Variants in KLHL36 observed in about 807,000 individuals in gnomAD.
The protein encoded by KLHL36 is kelch like family member 36.
KLHL36 carries 35 observed loss-of-function variants against 53.3 expected under a neutral mutation model. That is an observed-to-expected ratio of 0.66 (90% CI 0.50 to 0.87). The LOEUF (loss-of-function observed/expected upper bound fraction) is 0.87, where lower values mean the gene tolerates loss of function less well. Ranked by LOEUF, KLHL36 falls within the 40% of genes least tolerant of loss-of-function variation. The pLI, the probability that KLHL36 is intolerant of heterozygous loss-of-function variation, is 0.00. For synonymous variants in KLHL36, 472 were observed against 398.9 expected, an observed-to-expected ratio of 1.18 and a Z score of -2.18; for missense variants, 864 against 897.6, an observed-to-expected ratio of 0.96 and a Z score of 0.48.
In KLHL36 at chr16:84,657,004, T is replaced by C. The variant is rs770623606; in HGVS notation, c.197T>C (p.Val66Ala). The C allele has an allele frequency of 1.9e-6, 3 of 1,614,102 alleles. No homozygotes were observed. In the South Asian group the frequency reaches 3.3e-5, roughly 18 times the overall value. Residue 66 changes from valine (V) to alanine (A), a missense_variant, in exon 3 of 5, where the codon GTG becomes GCG. Val to Ala is a moderately conservative substitution (Grantham distance 64, BLOSUM62 0). Coordinates refer to ENST00000564996, the MANE Select transcript of KLHL36 (RefSeq NM_024731.4). ...RVPAHRNLLA[V>A]CSDYFNSMFT... ...CCAGCCCATCGCAACCTGCTGGCCG[T>C]GTGCAGCGACTACTTCAACTCCATG...
intron 2 of KLHL36, among the ~76,000 whole-genome samples, chr16:84,654,894 GC>G (rs1364452635): frequency 7.2e-5 from 11 of 152,302 alleles, no homozygotes; most frequent in African/African-American, 2.4e-4. Flanking sequence ...CCAGGCATGA[GC>G]CACCACGCCC....
chr16:84,657,799 T>C lies in KLHL36; in HGVS notation c.992T>C (p.Leu331Pro). Residue 331 changes from leucine (L) to proline (P), a missense_variant, in exon 3 of 5, where the codon CTG (leucine) becomes CCG (proline). Coordinates refer to ENST00000564996, the MANE Select transcript of KLHL36 (RefSeq NM_024731.4). ...KSEQWVKETP[L>P]PARRSHHCVA... ...GAGCAGTGGGTCAAAGAGACGCCGCTGCCCGCCCGGCGGAGCCACCACTGT... is the reference window on the plus strand; with the variant it reads ...GAGCAGTGGGTCAAAGAGACGCCGCCGCCCGCCCGGCGGAGCCACCACTGT... The C allele has an allele frequency of 6.2e-7, 1 of 1,606,412 alleles. No individual in the cohort carries two copies. Among genetic ancestry groups the C allele is most frequent in the East Asian group, 2.2e-5 (1 of 44,632 alleles).
At chr16:84,652,069 G>C (rs893878178) in intron 2 of KLHL36, among the ~76,000 whole-genome samples, 6 of 152,172 alleles carry the variant, frequency 3.9e-5, no homozygotes, top group Admixed American at 3.9e-4. Flanking sequence ...GCCAAGCCCA[G>C]CTTTATCGAT....
chr16:84,657,433 A>G lies in KLHL36; in HGVS notation c.626A>G (p.Asp209Gly), dbSNP rs1387952041. 1 of 1,605,868 alleles carries G rather than the reference A, an allele frequency of 6.2e-7. No homozygotes were observed. Among genetic ancestry groups the G allele is most frequent in the African/African-American group, 1.3e-5 (1 of 74,856 alleles). The change falls in exon 3 of 5, where the codon GAC becomes GGC. Residue 209 changes from aspartate (D) to glycine (G), a missense_variant. By Grantham distance (94) the Asp-to-Gly change is moderately conservative. Coordinates refer to ENST00000564996, the MANE Select transcript of KLHL36 (RefSeq NM_024731.4). ...GAGGTGCAGCGGGAGTGTGAGCACG[A>G]CCTCCTGCAGGCCGCCCTGCAGTGG... ...SSEVQRECEHDLLQAALQWLT... is the reference protein window; with the variant it reads ...SSEVQRECEHGLLQAALQWLT...
chr16:84,654,702 C>T (rs898646337), intron 2 of KLHL36, among the ~76,000 whole-genome samples: 5 of 152,130 alleles, frequency 3.3e-5, no homozygotes, highest in Non-Finnish European at 5.9e-5. Flanking sequence ...CCTCCGCCTC[C>T]GGAGTGCAAG....
intron 3 of KLHL36, 198 bp from the exon 4 acceptor site, chr16:84,659,562 G>A: frequency 3.5e-6 from 2 of 565,286 alleles, no homozygotes; most frequent in Non-Finnish European, 6.3e-6. Context: ...CCACTTTTGG[G>A]GATTCAGAGC....
Position 84,661,903 on chromosome 16 carries a change from G to A in KLHL36, c.1621G>A (p.Val541Met), listed in dbSNP as rs775391996. 1.7e-5 allele frequency: 27 copies of A among 1,599,100 alleles called. No individual in the cohort carries two copies. The highest frequency in any genetic ancestry group is 2.3e-5 in the East Asian group (1 of 44,356). ...GCTGCACGCCAACAGCGAGTCGGGCGTGGCAGTGTGGGAGGGCCGCATCTA... is the reference window on the plus strand; with the variant it reads ...GCTGCACGCCAACAGCGAGTCGGGCATGGCAGTGTGGGAGGGCCGCATCTA... ...PLLHANSESG[V>M]AVWEGRIYIL... The change falls in exon 5 of 5, where the codon GTG becomes ATG. Residue 541 changes from valine (V) to methionine (M), a missense_variant. Physicochemically the swap from Val to Met is conservative, Grantham distance 21 (BLOSUM62 1). Transcript: ENST00000564996. This position sits in a 1 kb window ranked among gnomAD's most constrained non-coding sequence, Gnocchi z 7.9.
intron 2 of KLHL36, among the ~76,000 whole-genome samples, chr16:84,655,173 C>T (rs901613027): frequency 1.3e-5 from 2 of 152,180 alleles, no homozygotes; most frequent in African/African-American, 4.8e-5. Context: ...TGTCTGGCAT[C>T]CTCCACAGGC....
Position 84,661,488 on chromosome 16 carries a change from T to C in KLHL36, c.1296-90T>C. On this transcript the variant is annotated intron_variant, in intron 4 of 4. Transcript: ENST00000564996. The surrounding 1 kb of genome is among the most constrained non-coding windows in gnomAD (Gnocchi z 7.9). ...CTATATTCTTAAATCCTCATGGCCC[T>C]CTAAGACGGCAGGCTGTTCCCCGGC... 1 of 1,332,200 alleles carries C rather than the reference T, an allele frequency of 7.5e-7. No homozygotes were observed. Among genetic ancestry groups the C allele is most frequent in the Non-Finnish European group, 1.0e-6 (1 of 970,954 alleles). 82.5% of individuals were successfully genotyped at this position (1,332,200 alleles called of 1,614,324 possible).
Position 84,661,729 on chromosome 16 carries a change from C to G in KLHL36, c.1447C>G (p.Arg483Gly). The change falls in exon 5 of 5, where the codon CGC (arginine) becomes GGC (glycine). Residue 483 changes from arginine (R) to glycine (G), a missense_variant. By Grantham distance (125) the Arg-to-Gly change is moderately radical. Transcript: ENST00000564996. The surrounding 1 kb of genome is among the most constrained non-coding windows in gnomAD (Gnocchi z 7.9). ...GGAGCGGCGGCCCATGACCACGGCG[C>G]GCGGCTGGCACAGCATGTGCAGCCT... ...WEERRPMTTA[R>G]GWHSMCSLGD... 4 of 1,613,436 alleles carry G rather than the reference C, an allele frequency of 2.5e-6. No individual in the cohort carries two copies. The highest frequency in any genetic ancestry group is 2.5e-6 in the Non-Finnish European group (3 of 1,179,958).
chr16:84,652,964 T>C (rs960499919), intron 2 of KLHL36, among the ~76,000 whole-genome samples: 1 of 152,118 alleles, frequency 6.6e-6, no homozygotes, highest in African/African-American at 2.4e-5. Flanking sequence ...ACGCCTGTAA[T>C]CCCAGCACCC....
chr16:84,659,556 T>C, intron 3 of KLHL36: 1 of 558,964 alleles, frequency 1.8e-6, no homozygotes, highest in South Asian at 2.3e-5. Context: ...TCCATCCCAC[T>C]TTTGGGGATT....
Position 84,659,805 on chromosome 16 carries a change from A to G in KLHL36, c.1183A>G (p.Ile395Val), listed in dbSNP as rs771032488. 6.2e-7 allele frequency: 1 copy of G among 1,614,162 alleles called. No homozygotes were observed. Among genetic ancestry groups the G allele is most frequent in the Non-Finnish European group, 8.5e-7 (1 of 1,180,024 alleles). Reference sequence around the variant, plus strand: ...CCGTGTGGATTTCTACCTTGCCTCCATCGAAGACATGCTGGTGGCCATCGG... The same window carrying G: ...CCGTGTGGATTTCTACCTTGCCTCCGTCGAAGACATGCTGGTGGCCATCGG... ...QRRVDFYLAS[I>V]EDMLVAIGGR... The change falls in exon 4 of 5, where the codon ATC becomes GTC. Residue 395 changes from isoleucine to valine, a missense_variant. Ile to Val is a conservative substitution (Grantham distance 29). Coordinates refer to ENST00000564996, the MANE Select transcript of KLHL36 (RefSeq NM_024731.4).
Position 84,656,953 on chromosome 16 carries a change from T to A in KLHL36, c.146T>A (p.Val49Asp). The change falls in exon 3 of 5, where the codon GTC (valine) becomes GAC (aspartate). Residue 49 changes from valine to aspartate, a missense_variant. By Grantham distance (152) the Val-to-Asp change is radical (BLOSUM62 -3). Transcript: ENST00000564996. ...QRLRGLFCDV[V>D]LVADEQRVPA... ...CTCCGCGGGCTCTTCTGCGACGTCG[T>A]CCTGGTGGCCGATGAGCAGCGTGTG... is the stretch of plus-strand genomic sequence containing the variant. The A allele has an allele frequency of 6.2e-7, 1 of 1,613,792 alleles. No individual in the cohort carries two copies. Among genetic ancestry groups the A allele is most frequent in the Non-Finnish European group, 8.5e-7 (1 of 1,180,032 alleles).
At chr16:84,655,541 A>T (rs1567557531) in intron 2 of KLHL36, among the ~76,000 whole-genome samples, 1 of 151,662 alleles carries the variant, frequency 6.6e-6, no homozygotes, top group Non-Finnish European at 1.5e-5. Context: ...CGTCTCTACA[A>T]AAAAATTTTA....
At position 84,650,899 on chromosome 16, in the gene KLHL36, C is replaced by G; in HGVS notation, c.32C>G (p.Ser11Cys). Residue 11 changes from serine to cysteine, a missense_variant, in exon 2 of 5, where the codon TCT becomes TGT. By Grantham distance (112) the Ser-to-Cys change is moderately radical. Transcript: ENST00000564996. MMEGSRQTRV[S>C]RPYKISESSK... ...GAGGGAAGCAGGCAGACGCGAGTGT[C>G]TCGGCCATACAAGATCAGCGAATCA... 6.2e-7 allele frequency: 1 copy of G among 1,611,762 alleles called. No homozygotes were observed. The highest frequency in any genetic ancestry group is 1.1e-5 in the South Asian group (1 of 90,682).
At chr16:84,655,255 C>A (rs115648765) in intron 2 of KLHL36, among the ~76,000 whole-genome samples, 2 of 152,190 alleles carry the variant, frequency 1.3e-5, no homozygotes, top group African/African-American at 2.4e-5. Flanking sequence ...TGTGGAAATA[C>A]CACAGGGAAA....
At chr16:84,659,718 C>T (rs369452174) in intron 3 of KLHL36, 42 bp from the exon 4 acceptor site, 97 of 1,599,908 alleles carry the variant, frequency 6.1e-5, no homozygotes, top group Admixed American at 4.7e-4. Flanking sequence ...GATGCTGTCC[C>T]GGGTTCGGGG....
rs756823451 is a variant in KLHL36, at chr16:84,659,749, C to T, written c.1138-11C>T. 2 of 1,613,466 alleles carry T rather than the reference C, an allele frequency of 1.2e-6. No individual in the cohort carries two copies. Among genetic ancestry groups the T allele is most frequent in the South Asian group, 2.2e-5 (2 of 91,048 alleles). The stretch of plus-strand genomic sequence containing the variant: ...CGGGGAAGGGAAGGTACAGGTATCT[C>T]AACTCCACAGGTGGCCTCCATGAAC... On this transcript the variant is annotated splice_polypyrimidine_tract_variant and intron_variant, in intron 3 of 4. Coordinates refer to ENST00000564996, the MANE Select transcript of KLHL36 (RefSeq NM_024731.4).
Sources: gnomAD v4.1 joint callset for allele counts (sites outside exome capture counted in the v4.1 genomes callset) on GRCh38, gnomAD v4.1.1 for gene constraint, Gnocchi (gnomAD v3.1) non-coding constraint, MANE v1.5 for transcripts, NCBI Gene and HGNC (gene_info 2026-07-23, HGNC 2026-07-21) for gene names.